SLC5A10: variants seen among roughly 807,000 people sequenced by gnomAD.
The protein encoded by SLC5A10 is solute carrier family 5 member 10.
SLC5A10 carries 55 observed loss-of-function variants against 68.9 expected under a neutral mutation model. That is an observed-to-expected ratio of 0.80 (90% CI 0.64 to 1.00). The LOEUF (loss-of-function observed/expected upper bound fraction) is 1.00. SLC5A10 is among the 50% of genes least tolerant of loss of function. The pLI is 0.00. For synonymous variants in SLC5A10, 344 were observed against 344.8 expected (o/e 1.00, Z 0.02); for missense variants, 732 against 819.3 (o/e 0.89, Z 1.30).
At chr17:18,958,961 C>A (rs547355040) in intron 2 of SLC5A10, among the ~76,000 whole-genome samples, 174 bp from the exon 3 acceptor site, 2 of 152,200 alleles carry the variant, frequency 1.3e-5, no homozygotes, top group East Asian at 1.9e-4. Context: ...AACTTACATC[C>A]GCTCCTTAGC....
chr17:18,970,135 C>G (rs1306948606), intron 7 of SLC5A10: 2 of 152,274 alleles, frequency 1.3e-5, no homozygotes, highest in Non-Finnish European at 2.9e-5. Flanking sequence ...CTGACCTGAG[C>G]TCCATGGGAA....
chr17:18,964,644 G>A (rs373807283), intron 5 of SLC5A10, among the ~76,000 whole-genome samples: 1 of 152,270 alleles, frequency 6.6e-6, no homozygotes, highest in Non-Finnish European at 1.5e-5. Flanking sequence ...ACTGGAGACA[G>A]GGCAGTCTGG....
intron 9 of SLC5A10, among the ~76,000 whole-genome samples, chr17:18,981,005 C>T (rs2043117827): frequency 6.6e-6 from 1 of 152,198 alleles, no homozygotes; most frequent in Non-Finnish European, 1.5e-5. Flanking sequence ...ACGTACTGGT[C>T]TGTCCCCTCA....
chr17:18,979,882 G>A (rs2043085463), intron 9 of SLC5A10, among the ~76,000 whole-genome samples: 1 of 152,188 alleles, frequency 6.6e-6, no homozygotes, highest in East Asian at 1.9e-4. Context: ...TGAAGCTACA[G>A]AGCGGGCAGG....
intron 11 of SLC5A10, among the ~76,000 whole-genome samples, chr17:19,015,864 A>G (rs1490086996): frequency 2.6e-5 from 4 of 152,170 alleles, no homozygotes; most frequent in Admixed American, 6.5e-5. Flanking sequence ...TGGGCGCTTC[A>G]TGAGGACCGG....
At chr17:18,969,472 T>A in intron 7 of SLC5A10, 50 bp downstream of exon 7, 1 of 1,557,066 alleles carries the variant, frequency 6.4e-7, no homozygotes, top group Non-Finnish European at 8.8e-7. Context: ...CAGCGAGCCC[T>A]TTGGAGTCTG....
chr17:18,981,954 TC>T (rs954511942), intron 9 of SLC5A10, among the ~76,000 whole-genome samples: 3 of 152,116 alleles, frequency 2.0e-5, no homozygotes, highest in African/African-American at 7.2e-5. Flanking sequence ...CGAGCCCAGC[TC>T]CACCGCCTCC....
intron 1 of SLC5A10, among the ~76,000 whole-genome samples, chr17:18,958,370 C>G (rs2042543988): frequency 6.6e-6 from 1 of 152,206 alleles, no homozygotes; most frequent in Non-Finnish European, 1.5e-5. Context: ...GAACTTCATT[C>G]CTTTTGAAGA....
chr17:18,968,912 G>A lies in SLC5A10; in HGVS notation c.454-140G>A. On this transcript the variant is annotated intron_variant, in intron 5 of 14. Transcript: ENST00000395645. The surrounding 1 kb of genome is among the most constrained non-coding windows in gnomAD (Gnocchi z 4.1). ...ACCTCACAATGGCCCCGTGATGCAG[G>A]CAGGCAGGCGAGTGGGGGTCTCCCC... The A allele has an allele frequency of 1.4e-6, 1 of 694,508 alleles. No homozygotes were observed. The highest frequency in any genetic ancestry group is 2.9e-5 in the Admixed American group (1 of 33,946). The allele number at this position is 694,508 out of a possible 1,614,324, so 43.0% of individuals were successfully genotyped here.
chr17:18,952,023 A>G (rs370213046), upstream of SLC5A10: 179 of 948,254 alleles, frequency 1.9e-4, no homozygotes, highest in African/African-American at 2.6e-3. Context: ...GCACCCCACC[A>G]TGGGGTGAGG....
At position 18,968,930 on chromosome 17, in the gene SLC5A10, GTCTCCCCTCCTTAT is replaced by G. The variant is rs144485136; in HGVS notation, c.454-121_454-108del. The G allele has an allele frequency of 0.053, 45,861 of 867,976 alleles. 1,197 individuals are homozygous for G. Among genetic ancestry groups the G allele is most frequent in the Non-Finnish European group, 0.067 (38,739 of 579,354 alleles). The allele number at this position is 867,976 out of a possible 1,614,324, so 53.8% of individuals were successfully genotyped here. A position where few individuals can be genotyped will look rare whatever the true frequency, so the allele number is the denominator to read the frequency against. On this transcript the variant is annotated intron_variant, in intron 5 of 14. Coordinates refer to ENST00000395645, the MANE Select transcript of SLC5A10 (RefSeq NM_001042450.4). This position sits in a 1 kb window ranked among gnomAD's most constrained non-coding sequence, Gnocchi z 4.1. ...GATGCAGGCAGGCAGGCGAGTGGGG[GTCTCCCCTCCTTAT>G]CCACAGGCCACCGAGGCCCAGAGAG...
At chr17:18,953,952 A>G (rs1192588622) in intron 1 of SLC5A10, 1 of 152,250 alleles carries the variant, frequency 6.6e-6, no homozygotes, top group Non-Finnish European at 1.5e-5. Context: ...TTAACTCACA[A>G]GTAGCCCAGT....
rs1401853578 is a variant in SLC5A10 at position 18,996,163 on chromosome 17, T to G, written c.983-17247T>G. Among the ~76,000 whole-genome samples the G allele has an allele frequency of 6.6e-6, 1 of 151,982 alleles. No homozygotes were observed. The highest frequency in any genetic ancestry group is 1.5e-5 in the Non-Finnish European group (1 of 68,000). ...AAAAAAAAAAAATCAACTTAGAATT[T>G]TATACCCAGTAAAAATACATTTCAA... On this transcript the variant is annotated intron_variant, in intron 9 of 14. Transcript: ENST00000395645. This position sits in a 1 kb window ranked among gnomAD's most constrained non-coding sequence, Gnocchi z 4.4.
At chr17:18,989,340 AG>A (rs1466126628) in intron 9 of SLC5A10, among the ~76,000 whole-genome samples, 1 of 152,176 alleles carries the variant, frequency 6.6e-6, no homozygotes, top group African/African-American at 2.4e-5. Flanking sequence ...GCGGAGATTC[AG>A]GGTGGTGGAG....
At chr17:19,010,402 A>AC (rs2043988824) in intron 9 of SLC5A10, among the ~76,000 whole-genome samples, 1 of 151,930 alleles carries the variant, frequency 6.6e-6, no homozygotes, top group African/African-American at 2.4e-5. Context: ...ACCCTGGCAA[A>AC]CCCATAGACC....
chr17:18,977,494 A>G, intron 9 of SLC5A10: 1 of 1,276,424 alleles, frequency 7.8e-7, no homozygotes. Context: ...AGAGTCAGGG[A>G]CATGGTAGCC....
Position 19,004,430 on chromosome 17 carries a change from C to T in SLC5A10, c.983-8980C>T, listed in dbSNP as rs542040093. 1.3e-5 allele frequency among the ~76,000 whole-genome samples: 2 copies of T among 152,266 alleles called. No individual in the cohort carries two copies. Among genetic ancestry groups the T allele is most frequent in the South Asian group, 2.1e-4 (1 of 4,830 alleles). On this transcript the variant is annotated intron_variant, in intron 9 of 14. Transcript: ENST00000395645. This position sits in a 1 kb window ranked among gnomAD's most constrained non-coding sequence, Gnocchi z 5.4. ...CCCATATCCCAGATTTCCGGAGCTG[C>T]CTGAAGTCCTCGCAACTTCTGAGGG...
intron 9 of SLC5A10, among the ~76,000 whole-genome samples, chr17:18,981,819 G>GCTGGC (rs2043141126): frequency 6.6e-6 from 1 of 152,188 alleles, no homozygotes; most frequent in African/African-American, 2.4e-5. Context: ...TCAGCAGGAA[G>GCTGGC]CTGGCCACGG....
intron 9 of SLC5A10, among the ~76,000 whole-genome samples, chr17:18,993,801 G>T (rs2043493278): frequency 6.6e-6 from 1 of 152,234 alleles, no homozygotes; most frequent in African/African-American, 2.4e-5. Context: ...TCCGATCTCA[G>T]CTCCTCCTGG....
Sources: gnomAD v4.1 joint callset for allele counts (sites outside exome capture counted in the v4.1 genomes callset) on GRCh38, gnomAD v4.1.1 for gene constraint, Gnocchi (gnomAD v3.1) non-coding constraint, MANE v1.5 for transcripts, NCBI Gene and HGNC (gene_info 2026-07-23, HGNC 2026-07-21) for gene names.